Variants in UNC79 observed in about 807,000 individuals in gnomAD.
UNC79 encodes unc-79 subunit of NALCN channel complex.
In UNC79, 37 loss-of-function variants were observed where a neutral mutation model predicts 283.1. That is an observed-to-expected ratio of 0.13 (90% CI 0.10 to 0.17). The LOEUF is 0.17. Ranked by LOEUF, UNC79 falls within the 10% of genes least tolerant of loss-of-function variation. The pLI, the probability that UNC79 is intolerant of heterozygous loss-of-function variation, is 1.00. For synonymous variants in UNC79, 1,107 were observed against 1,200.2 expected, an observed-to-expected ratio of 0.92 and a Z score of 1.61; for missense variants, 2,272 against 3,211.1, an observed-to-expected ratio of 0.71 and a Z score of 7.07.
intron 1 of UNC79, among the ~76,000 whole-genome samples, chr14:93,404,153 T>A (rs1236596096): frequency 6.6e-6 from 1 of 152,056 alleles, no homozygotes; most frequent in Non-Finnish European, 1.5e-5. Context: ...TGGTGAGTTT[T>A]ATTTTTAAAG....
chr14:93,666,099 G>A (rs1053478462), intron 40 of UNC79, among the ~76,000 whole-genome samples: 1 of 151,872 alleles, frequency 6.6e-6, no homozygotes, highest in Non-Finnish European at 1.5e-5. Flanking sequence ...TTGGAGACTG[G>A]AGTTAAAGCA....
intron 20 of UNC79, among the ~76,000 whole-genome samples, chr14:93,583,229 G>A (rs2063943393): frequency 6.6e-6 from 1 of 151,864 alleles, no homozygotes; most frequent in South Asian, 2.1e-4. Context: ...ATTGAGGCAG[G>A]AGAATCGCTT....
intron 4 of UNC79, 67 bp downstream of exon 4, chr14:93,477,795 G>A (rs2057888669): frequency 6.8e-7 from 1 of 1,470,552 alleles, no homozygotes; most frequent in Non-Finnish European, 9.2e-7. Flanking sequence ...TGCTTTTGCT[G>A]TTATAGGCTC....
At chr14:93,685,813 A>G (rs2074196082) in intron 42 of UNC79, among the ~76,000 whole-genome samples, 1 of 152,180 alleles carries the variant, frequency 6.6e-6, no homozygotes, top group Admixed American at 6.5e-5. Context: ...TGCTTTGCTT[A>G]TAATCCTAAA....
chr14:93,572,143 C>A, intron 15 of UNC79, 59 bp downstream of exon 15: 1 of 1,557,736 alleles, frequency 6.4e-7, no homozygotes, highest in South Asian at 1.2e-5. Flanking sequence ...GTTTGGTGAG[C>A]ATGTACTGTA....
exon 32 of UNC79, chr14:93,637,266 C>A: frequency 6.2e-7 from 1 of 1,604,588 alleles, no homozygotes; most frequent in Non-Finnish European, 8.5e-7. Flanking sequence ...GTGCCTAAAC[C>A]CTGACCTGGA....
intron 1 of UNC79, among the ~76,000 whole-genome samples, chr14:93,358,765 T>C (rs932215813): frequency 2.0e-5 from 3 of 152,212 alleles, no homozygotes; most frequent in African/African-American, 7.2e-5. Flanking sequence ...TCTGAGGAGA[T>C]AAACCTTGTG....
intron 30 of UNC79, 94 bp from the exon 33 acceptor site, chr14:93,630,706 TG>T (rs1465328263): frequency 1.8e-5 from 16 of 882,052 alleles, no homozygotes; most frequent in Non-Finnish European, 2.5e-5. Flanking sequence ...AAGAGTTGAA[TG>T]GTTGTAGTAG....
chr14:93,536,781 G>GTT (rs2061102204), intron 11 of UNC79, among the ~76,000 whole-genome samples: 1 of 86,244 alleles, frequency 1.2e-5, no homozygotes, highest in Non-Finnish European at 2.3e-5. Flanking sequence ...CCCACCCCCG[G>GTT]CTTTTTTTTT....
intron 27 of UNC79, among the ~76,000 whole-genome samples, chr14:93,615,718 C>T (rs2066653947): frequency 3.4e-5 from 1 of 29,092 alleles, no homozygotes; most frequent in African/African-American, 1.6e-4. Flanking sequence ...GAGACTCCAT[C>T]TCAAAAAAAA....
intron 1 of UNC79, among the ~76,000 whole-genome samples, chr14:93,339,637 C>G (rs971792645): frequency 6.6e-6 from 1 of 152,216 alleles, no homozygotes; most frequent in Admixed American, 6.5e-5. Flanking sequence ...TTCTGTTACT[C>G]GTGGTCAGCA....
exon 22 of UNC79, chr14:93,586,869 A>T: frequency 6.2e-7 from 1 of 1,613,942 alleles, no homozygotes; most frequent in Non-Finnish European, 8.5e-7. Context: ...GATCACCCTC[A>T]ATTTTTAGCC....
At chr14:93,631,751 ACAT>A in intron 31 of UNC79, among the ~76,000 whole-genome samples, 1 of 152,362 alleles carries the variant, frequency 6.6e-6, no homozygotes, top group African/African-American at 2.4e-5. Context: ...GTAGTTTGGA[ACAT>A]CATCATCTTC....
intron 1 of UNC79, among the ~76,000 whole-genome samples, chr14:93,451,987 T>C (rs947539859): frequency 4.4e-4 from 67 of 152,352 alleles, no homozygotes; most frequent in African/African-American, 1.6e-3. Context: ...GGTGACATTT[T>C]AGTTGTGTAT....
intron 24 of UNC79, 121 bp downstream of exon 24, chr14:93,597,661 T>A: frequency 9.0e-7 from 1 of 1,114,696 alleles, no homozygotes; most frequent in Non-Finnish European, 1.2e-6. Context: ...ATAAACTGGG[T>A]AGTTTATAAA....
chr14:93,684,904 A>G (rs867929683), intron 42 of UNC79, among the ~76,000 whole-genome samples: 6 of 152,366 alleles, frequency 3.9e-5, no homozygotes, highest in Middle Eastern at 3.4e-3. Context: ...TATGAAATAA[A>G]TGTAGCTCTT....
intron 7 of UNC79, among the ~76,000 whole-genome samples, chr14:93,517,876 C>T (rs1336241150): frequency 6.7e-6 from 1 of 150,350 alleles, no homozygotes; most frequent in Admixed American, 6.7e-5. Context: ...TCTAGAATTT[C>T]CATTTGGTCC....
intron 4 of UNC79, among the ~76,000 whole-genome samples, chr14:93,487,252 T>G (rs150532828): frequency 0.014 from 2,074 of 152,326 alleles, 55 homozygotes; most frequent in African/African-American, 0.048. Context: ...AATTAATACA[T>G]TCAATTTGAG....
chr14:93,370,958 TG>T (rs2054430991), intron 1 of UNC79, among the ~76,000 whole-genome samples: 1 of 151,940 alleles, frequency 6.6e-6, no homozygotes, highest in Non-Finnish European at 1.5e-5. Context: ...AAGAATTATT[TG>T]AAAAGATAGT....
Sources: allele counts gnomAD v4.1 joint callset (sites outside exome capture counted in the v4.1 genomes callset), GRCh38; gene constraint gnomAD v4.1.1; transcripts MANE v1.5; gene names NCBI Gene and HGNC (gene_info 2026-07-23, HGNC 2026-07-21).